Variants in NMNAT2 observed in about 807,000 individuals in gnomAD.
NMNAT2 encodes the protein nicotinamide nucleotide adenylyltransferase 2.
Under a neutral mutation model 41.6 loss-of-function variants are expected in NMNAT2, and 11 were observed. The ratio of observed to expected loss-of-function variants is 0.26; its 90% confidence interval spans 0.17 to 0.44. NMNAT2 has a LOEUF of 0.44. Ranked by LOEUF, NMNAT2 falls within the 20% of genes least tolerant of loss-of-function variation. The probability of loss-of-function intolerance (pLI) is 1.00; values close to 1 mark genes in which losing one functional copy is unlikely to be tolerated. For synonymous variants in NMNAT2, 148 were observed against 151.2 expected, an observed-to-expected ratio of 0.98 and a Z score of 0.16; for missense variants, 288 against 407.7, an observed-to-expected ratio of 0.71 and a Z score of 2.53.
At chr1:183,394,152 T>G (rs749214970) in intron 1 of NMNAT2, among the ~76,000 whole-genome samples, 1 of 152,230 alleles carries the variant, frequency 6.6e-6, no homozygotes, top group Non-Finnish European at 1.5e-5. Context: ...AATTTTCAAC[T>G]GGTAACAGAA....
At chr1:183,379,095 C>G (rs1663744534) in intron 1 of NMNAT2, among the ~76,000 whole-genome samples, 1 of 144,524 alleles carries the variant, frequency 6.9e-6, no homozygotes, top group Admixed American at 6.9e-5. Flanking sequence ...TATCTATAAT[C>G]TATAATCTAT....
chr1:183,389,796 GA>G (rs1187819240), intron 1 of NMNAT2, among the ~76,000 whole-genome samples: 3 of 64,492 alleles, frequency 4.7e-5, no homozygotes, highest in Non-Finnish European at 6.4e-5. Context: ...AAGAAAGAAA[GA>G]AAGAAAGAAA....
intron 1 of NMNAT2, among the ~76,000 whole-genome samples, chr1:183,329,665 C>T (rs1662539409): frequency 2.6e-5 from 4 of 152,176 alleles, no homozygotes; most frequent in Admixed American, 2.6e-4. Context: ...CCACCCATCA[C>T]CTTTTTGCTG....
intron 10 of NMNAT2, 146 bp from the exon 11 acceptor site, chr1:183,252,889 C>T (rs1338481852): frequency 3.3e-6 from 2 of 607,968 alleles, no homozygotes; most frequent in Non-Finnish European, 5.9e-6. Flanking sequence ...GCCCTCTTGC[C>T]TCCACAACTC....
At chr1:183,309,200 A>G (rs1662057159) in intron 1 of NMNAT2, among the ~76,000 whole-genome samples, 1 of 152,134 alleles carries the variant, frequency 6.6e-6, no homozygotes, top group Non-Finnish European at 1.5e-5. Context: ...AGGTCTCAGT[A>G]TATTGCCCAG....
At chr1:183,364,727 C>T (rs574639426) in intron 1 of NMNAT2, among the ~76,000 whole-genome samples, 43 of 92,698 alleles carry the variant, frequency 4.6e-4, no homozygotes, top group Middle Eastern at 5.8e-3. Flanking sequence ...AGTCTCACAC[C>T]GTCTCCCAGG....
At chr1:183,257,097 C>T (rs1485829685) in intron 10 of NMNAT2, among the ~76,000 whole-genome samples, 1 of 151,944 alleles carries the variant, frequency 6.6e-6, no homozygotes, top group African/African-American at 2.4e-5. Context: ...CGATGCTGGC[C>T]TCGTAGAATG....
chr1:183,312,265 CTTTT>C (rs534701278), intron 1 of NMNAT2, among the ~76,000 whole-genome samples: 1 of 140,674 alleles, frequency 7.1e-6, no homozygotes. Flanking sequence ...TAATTTAAGG[CTTTT>C]TTTTTTTTTT....
intron 1 of NMNAT2, among the ~76,000 whole-genome samples, chr1:183,358,814 G>C (rs777647010): frequency 3.9e-5 from 6 of 152,124 alleles, no homozygotes; most frequent in Non-Finnish European, 7.4e-5. Flanking sequence ...CTCCTTTCTG[G>C]ATAGCAGTAA....
At chr1:183,371,432 C>G (rs978300900) in intron 1 of NMNAT2, among the ~76,000 whole-genome samples, 1 of 152,124 alleles carries the variant, frequency 6.6e-6, no homozygotes. Context: ...ATAGGATGCA[C>G]AACACCCCGA....
At chr1:183,401,545 C>T (rs1380870719) in intron 1 of NMNAT2, among the ~76,000 whole-genome samples, 1 of 152,172 alleles carries the variant, frequency 6.6e-6, no homozygotes, top group African/African-American at 2.4e-5. Context: ...TACCATTTGA[C>T]CCAGCCATCC....
At chr1:183,362,095 C>A (rs896021037) in intron 1 of NMNAT2, among the ~76,000 whole-genome samples, 4 of 152,164 alleles carry the variant, frequency 2.6e-5, no homozygotes, top group Non-Finnish European at 2.9e-5. Flanking sequence ...CCTGCCACCA[C>A]GCCTGGCTAA....
intron 1 of NMNAT2, among the ~76,000 whole-genome samples, chr1:183,296,961 C>G (rs4652794): frequency 0.55 from 83,561 of 151,750 alleles, 24,339 homozygotes; most frequent in Non-Finnish European, 0.64. Context: ...TCACACTCCG[C>G]TCCTCTTCGG....
At chr1:183,284,094 A>C (rs535783249) in intron 6 of NMNAT2, 55 bp from the exon 7 acceptor site, 22 of 1,494,604 alleles carry the variant, frequency 1.5e-5, no homozygotes, top group African/African-American at 5.5e-5. Context: ...CTGGTACCCA[A>C]CACACAGTCT....
intron 1 of NMNAT2, among the ~76,000 whole-genome samples, chr1:183,345,657 C>T (rs1316534362): frequency 6.6e-6 from 1 of 151,298 alleles, no homozygotes; most frequent in Non-Finnish European, 1.5e-5. Flanking sequence ...GACTTCTCAG[C>T]TTTCATAACT....
At chr1:183,395,462 G>A (rs1377351032) in intron 1 of NMNAT2, among the ~76,000 whole-genome samples, 1 of 152,072 alleles carries the variant, frequency 6.6e-6, no homozygotes, top group African/African-American at 2.4e-5. Flanking sequence ...AGATAAACCT[G>A]CTTCCAATAA....
intron 1 of NMNAT2, among the ~76,000 whole-genome samples, chr1:183,297,258 G>C (rs74129682): frequency 0.054 from 8,208 of 151,848 alleles, 632 homozygotes; most frequent in African/African-American, 0.17. Context: ...AAGTTGTTGT[G>C]AGGATCAAAT....
intron 1 of NMNAT2, among the ~76,000 whole-genome samples, chr1:183,307,606 C>A (rs1662022982): frequency 6.6e-6 from 1 of 152,150 alleles, no homozygotes; most frequent in Non-Finnish European, 1.5e-5. Context: ...CCACACCTGG[C>A]TAATTTTTGT....
In NMNAT2 at chr1:183,261,086, C is replaced by CA. The variant is rs1553269038; in HGVS notation, c.754-18dup. The CA allele has an allele frequency of 3.1e-6, 5 of 1,612,118 alleles. No homozygotes were observed. The highest frequency in any genetic ancestry group is 4.2e-6 in the Non-Finnish European group (5 of 1,178,252). The stretch of plus-strand genomic sequence containing the variant: ...GATGTTGTTCTGAGGACAGAGCAGA[C>CA]AGAGTCAGTTGCCAGTCCCTCCCAC... On this transcript the variant is annotated splice_polypyrimidine_tract_variant and intron_variant, in intron 9 of 10. Coordinates refer to ENST00000287713, the MANE Select transcript of NMNAT2 (RefSeq NM_015039.4).
Sources: gnomAD v4.1 joint callset for allele counts (sites outside exome capture counted in the v4.1 genomes callset) on GRCh38, gnomAD v4.1.1 for gene constraint, MANE v1.5 for transcripts, NCBI Gene and HGNC (gene_info 2026-07-23, HGNC 2026-07-21) for gene names.